CD1B: variants seen among roughly 807,000 people sequenced by gnomAD.
CD1B encodes the protein CD1b molecule.
CD1B carries 43 observed loss-of-function variants against 39.8 expected under a neutral mutation model. The observed-to-expected ratio is 1.08, with a 90% CI of 0.85 to 1.39. The LOEUF (loss-of-function observed/expected upper bound fraction) is 1.39. Ranked by LOEUF, CD1B falls within the 40% of genes most tolerant of loss-of-function variation. The pLI is 0.00. For synonymous variants in CD1B, 192 were observed against 152.5 expected (o/e 1.26, Z -1.91); for missense variants, 495 against 403.8 (o/e 1.23, Z -1.94).
chr1:158,316,017 A>G, the CD1B span, among the ~76,000 whole-genome samples: 6 of 151,908 alleles, frequency 3.9e-5, no homozygotes, highest in Non-Finnish European at 8.8e-5. Flanking sequence ...ATTGATCTAT[A>G]TCTCTGTTTT....
chr1:158,321,815 C>T, the CD1B span, among the ~76,000 whole-genome samples: 1 of 152,070 alleles, frequency 6.6e-6, no homozygotes, highest in African/African-American at 2.4e-5. Flanking sequence ...AGGCTTATTA[C>T]ATAGGAAAAC....
chr1:158,315,266 C>A, the CD1B span, among the ~76,000 whole-genome samples: 2 of 152,136 alleles, frequency 1.3e-5, no homozygotes, highest in Non-Finnish European at 2.9e-5. Flanking sequence ...AGTTTACAGT[C>A]CCATCAACAG....
chr1:158,303,981 G>A, the CD1B span, among the ~76,000 whole-genome samples: 1 of 152,046 alleles, frequency 6.6e-6, no homozygotes, highest in African/African-American at 2.4e-5. Context: ...TGGCCGAATA[G>A]GAACAGCTCT....
downstream of CD1B, among the ~76,000 whole-genome samples, chr1:158,324,869 A>G (rs963253051): frequency 3.3e-5 from 5 of 152,184 alleles, no homozygotes; most frequent in African/African-American, 4.8e-5. Flanking sequence ...GGAGCTCAGG[A>G]AGAATTGACT....
the CD1B span, among the ~76,000 whole-genome samples, chr1:158,300,068 A>G: frequency 7.2e-5 from 11 of 152,140 alleles, no homozygotes; most frequent in East Asian, 2.1e-3. Flanking sequence ...TAGTTCTTTT[A>G]ATGTGATGTT....
chr1:158,295,590 T>A, the CD1B span, among the ~76,000 whole-genome samples: 4 of 152,068 alleles, frequency 2.6e-5, no homozygotes, highest in Admixed American at 2.6e-4. Flanking sequence ...ATTGGCATGC[T>A]CCTCTAGGTG....
the CD1B span, among the ~76,000 whole-genome samples, chr1:158,316,869 G>C: frequency 9.2e-5 from 14 of 152,016 alleles, no homozygotes; most frequent in South Asian, 6.2e-4. Context: ...GAGCATGAAG[G>C]GTTGTTGAAT....
At chr1:158,320,283 C>T in the CD1B span, among the ~76,000 whole-genome samples, 1 of 152,216 alleles carries the variant, frequency 6.6e-6, no homozygotes, top group Non-Finnish European at 1.5e-5. Flanking sequence ...AGTTTGATCT[C>T]AGACTGCGGT....
At chr1:158,302,019 C>G in the CD1B span, among the ~76,000 whole-genome samples, 2,209 of 152,152 alleles carry the variant, frequency 0.015, 53 homozygotes, top group African/African-American at 0.048. Flanking sequence ...GACCGGAGCT[C>G]TTCCTATTCA....
chr1:158,329,615 C>T lies in CD1B; in HGVS notation c.641G>A (p.Ser214Asn). The change falls in exon 4 of 6, where the codon AGT (serine) becomes AAT (asparagine). Residue 214 changes from serine to asparagine, a missense_variant. By Grantham distance (46) the Ser-to-Asn change is conservative (BLOSUM62 1). Transcript: ENST00000368168. ...AAGCTGCAGACGGCCAGGTCCAGGA[C>T]TGGGGCCACTGGACAGCCAGGCCTC... ...KPEAWLSSGP[S>N]PGPGRLQLVC... The T allele has an allele frequency of 6.2e-7, 1 of 1,614,150 alleles. No individual in the cohort carries two copies. The highest frequency in any genetic ancestry group is 8.5e-7 in the Non-Finnish European group (1 of 1,180,038).
the CD1B span, among the ~76,000 whole-genome samples, chr1:158,319,062 G>C: frequency 1.3e-5 from 2 of 151,520 alleles, no homozygotes; most frequent in East Asian, 3.9e-4. Context: ...TCCCTTTGAG[G>C]GTAACCCGAC....
the CD1B span, among the ~76,000 whole-genome samples, chr1:158,314,652 T>A: frequency 6.8e-6 from 1 of 147,828 alleles, no homozygotes; most frequent in East Asian, 1.9e-4. Context: ...GTTTTTTTTA[T>A]TTTTTTATTT....
chr1:158,309,388 G>A, the CD1B span, among the ~76,000 whole-genome samples: 1 of 152,176 alleles, frequency 6.6e-6, no homozygotes, highest in Non-Finnish European at 1.5e-5. Flanking sequence ...TGGTGGGACT[G>A]TAAACTAGTT....
intron 2 of CD1B, 65 bp from the exon 3 acceptor site, chr1:158,330,195 A>AC: frequency 6.9e-7 from 1 of 1,456,846 alleles, no homozygotes; most frequent in Non-Finnish European, 9.3e-7. Context: ...TGAGAAAAGA[A>AC]CCTAGGATTT....
the CD1B span, among the ~76,000 whole-genome samples, chr1:158,299,920 A>G: frequency 6.6e-6 from 1 of 151,838 alleles, no homozygotes; most frequent in African/African-American, 2.4e-5. Context: ...AATTTTGCTG[A>G]TCTTTTCAAA....
chr1:158,321,649 T>G, the CD1B span, among the ~76,000 whole-genome samples: 1 of 152,254 alleles, frequency 6.6e-6, no homozygotes, highest in East Asian at 1.9e-4. Flanking sequence ...ATGCTTTGAT[T>G]CACTGCTGTT....
chr1:158,313,335 G>A, the CD1B span, among the ~76,000 whole-genome samples: 2 of 152,034 alleles, frequency 1.3e-5, no homozygotes, highest in Non-Finnish European at 2.9e-5. Context: ...TTTTGAGAAA[G>A]TGTCTCACTC....
chr1:158,317,520 AT>A, the CD1B span, among the ~76,000 whole-genome samples: 7 of 151,792 alleles, frequency 4.6e-5, no homozygotes, highest in Non-Finnish European at 1.0e-4. Context: ...CCCCTTTATC[AT>A]TTTTTTATTG....
At position 158,329,902 on chromosome 1, in the gene CD1B, C is replaced by CG; in HGVS notation, c.556dup (p.Arg186ProfsTer21). On this transcript the variant is annotated frameshift_variant, in exon 3 of 6. Transcript: ENST00000368168. LOFTEE classifies it high-confidence loss of function. ...TGCATTGAGGACGCCCAAGAGATAT[C>CG]GGGGGCAGGTTTCATAGAGGAGAAT... is the stretch of plus-strand genomic sequence containing the variant. 6.2e-7 allele frequency: 1 copy of CG among 1,614,000 alleles called. No individual in the cohort carries two copies. Among genetic ancestry groups the CG allele is most frequent in the Non-Finnish European group, 8.5e-7 (1 of 1,179,978 alleles).
Sources: gnomAD v4.1 joint callset for allele counts (sites outside exome capture counted in the v4.1 genomes callset) on GRCh38, gnomAD v4.1.1 for gene constraint, MANE v1.5 for transcripts, NCBI Gene and HGNC (gene_info 2026-07-23, HGNC 2026-07-21) for gene names.